Variants in MDGA2 observed in about 807,000 individuals in gnomAD.
MDGA2 encodes MAM domain containing glycosylphosphatidylinositol anchor 2.
MDGA2 carries 40 observed loss-of-function variants against 117.8 expected under a neutral mutation model. That is an observed-to-expected ratio of 0.34 (90% CI 0.26 to 0.44). The LOEUF (loss-of-function observed/expected upper bound fraction) is 0.44. MDGA2 is among the 20% of genes least tolerant of loss of function. The pLI, the probability that MDGA2 is intolerant of heterozygous loss-of-function variation, is 1.00. For synonymous variants in MDGA2, 452 were observed against 439.0 expected (o/e 1.03, Z -0.37); for missense variants, 1,123 against 1,250.6 (o/e 0.90, Z 1.54).
chr14:47,552,668 A>T (rs1446471845), intron 1 of MDGA2, among the ~76,000 whole-genome samples: 3 of 152,232 alleles, frequency 2.0e-5, no homozygotes, highest in African/African-American at 7.2e-5. Flanking sequence ...TTAAAAAAAA[A>T]ATGTAAGAGA....
In MDGA2 at chr14:46,916,765, C is replaced by A. The variant is rs141518251; in HGVS notation, c.2238+3247G>T. On this transcript the variant is annotated intron_variant, in intron 10 of 16. Coordinates refer to ENST00000399232, the MANE Select transcript of MDGA2 (RefSeq NM_001113498.3). ...GTCATTACTCTTTATTGAGACATCC[C>A]TGAAAGATACATCAAAGTTTTCTCT... Among the ~76,000 whole-genome samples the A allele has an allele frequency of 2.2e-3, 334 of 152,104 alleles. 1 individual carries two copies. The highest frequency in any genetic ancestry group is 7.6e-3 in the African/African-American group (317 of 41,510).
intron 8 of MDGA2, among the ~76,000 whole-genome samples, chr14:47,019,707 G>A (rs1453109332): frequency 6.6e-6 from 1 of 151,958 alleles, no homozygotes; most frequent in Non-Finnish European, 1.5e-5. Context: ...AGCCGGGCGT[G>A]GTGGCGGGCG....
chr14:47,157,650 T>C (rs934327818), intron 3 of MDGA2, among the ~76,000 whole-genome samples: 46 of 150,070 alleles, frequency 3.1e-4, no homozygotes, highest in African/African-American at 1.1e-3. Flanking sequence ...TCTGATATGG[T>C]TTGGTTGTGT....
intron 5 of MDGA2, among the ~76,000 whole-genome samples, chr14:47,099,567 A>G (rs956353862): frequency 6.6e-6 from 1 of 151,986 alleles, no homozygotes; most frequent in African/African-American, 2.4e-5. Context: ...TACCTTGTAT[A>G]TTAGCCAGGC....
intron 1 of MDGA2, among the ~76,000 whole-genome samples, chr14:47,389,589 A>AAC (rs1229644562): frequency 2.4e-4 from 32 of 130,616 alleles, no homozygotes; most frequent in East Asian, 5.4e-4. Flanking sequence ...TTTGCAGGAA[A>AAC]ACACACACAC....
At chr14:47,664,091 G>C (rs986802274) in intron 1 of MDGA2, among the ~76,000 whole-genome samples, 1 of 152,148 alleles carries the variant, frequency 6.6e-6, no homozygotes, top group Non-Finnish European at 1.5e-5. Context: ...CTGTTAAGGA[G>C]AAGAAGGAGA....
chr14:47,534,206 T>C (rs1231873468), intron 1 of MDGA2, among the ~76,000 whole-genome samples: 5 of 152,176 alleles, frequency 3.3e-5, no homozygotes, highest in African/African-American at 7.2e-5. Flanking sequence ...GGTTGATTTA[T>C]AGCCCAGTCT....
chr14:47,462,911 A>G (rs1005497638), intron 1 of MDGA2, among the ~76,000 whole-genome samples: 5 of 152,256 alleles, frequency 3.3e-5, no homozygotes, highest in African/African-American at 1.2e-4. Context: ...TAGAGTTTCA[A>G]AATTGAACTT....
At chr14:47,629,657 C>T (rs191853716) in intron 1 of MDGA2, among the ~76,000 whole-genome samples, 4 of 152,236 alleles carry the variant, frequency 2.6e-5, no homozygotes, top group South Asian at 2.1e-4. Context: ...ATTTTGCAGC[C>T]GACTAGCTAA....
chr14:47,435,664 G>A (rs566828085), intron 1 of MDGA2, among the ~76,000 whole-genome samples: 1 of 152,128 alleles, frequency 6.6e-6, no homozygotes, highest in Non-Finnish European at 1.5e-5. Context: ...TGCATTCATG[G>A]TAACAACTCA....
chr14:47,007,405 G>GC (rs1887749482), intron 8 of MDGA2, among the ~76,000 whole-genome samples: 1 of 151,662 alleles, frequency 6.6e-6, no homozygotes, highest in African/African-American at 2.4e-5. Flanking sequence ...TTTGCTGTAG[G>GC]GTTTCATGCA....
At chr14:47,489,818 G>T (rs1894132890) in intron 1 of MDGA2, among the ~76,000 whole-genome samples, 1 of 151,934 alleles carries the variant, frequency 6.6e-6, no homozygotes, top group South Asian at 2.1e-4. Flanking sequence ...TATATCTTCA[G>T]TTCACTTTTT....
At chr14:47,132,505 A>G (rs1444124818) in intron 4 of MDGA2, among the ~76,000 whole-genome samples, 1 of 151,934 alleles carries the variant, frequency 6.6e-6, no homozygotes, top group Non-Finnish European at 1.5e-5. Context: ...GCACAACTGT[A>G]GATAGATGCA....
intron 2 of MDGA2, among the ~76,000 whole-genome samples, chr14:47,247,305 TA>T (rs1030282274): frequency 1.2e-4 from 12 of 102,000 alleles, no homozygotes; most frequent in South Asian, 2.8e-4. Context: ...TATAGTTTCA[TA>T]TTTTTTTTTT....
At chr14:47,442,921 T>G (rs1893043277) in intron 1 of MDGA2, among the ~76,000 whole-genome samples, 1 of 152,124 alleles carries the variant, frequency 6.6e-6, no homozygotes, top group African/African-American at 2.4e-5. Context: ...GTACCCATGT[T>G]GTCTATGCTA....
intron 5 of MDGA2, among the ~76,000 whole-genome samples, chr14:47,111,957 G>A (rs1881060800): frequency 6.6e-6 from 1 of 152,126 alleles, no homozygotes; most frequent in Non-Finnish European, 1.5e-5. Context: ...AGTTCTCCAA[G>A]GAAGAGCCTG....
chr14:46,880,440 G>A (rs1356028219), intron 11 of MDGA2, among the ~76,000 whole-genome samples: 1 of 151,882 alleles, frequency 6.6e-6, no homozygotes, highest in Admixed American at 6.6e-5. Flanking sequence ...AGCTAACACT[G>A]AATATTAAAA....
intron 2 of MDGA2, among the ~76,000 whole-genome samples, chr14:47,289,977 C>G (rs1285931514): frequency 6.6e-6 from 1 of 152,136 alleles, no homozygotes; most frequent in Non-Finnish European, 1.5e-5. Flanking sequence ...TAGGACCAAA[C>G]AAATCCTTAC....
At chr14:47,581,016 G>C (rs1896219963) in intron 1 of MDGA2, among the ~76,000 whole-genome samples, 1 of 151,966 alleles carries the variant, frequency 6.6e-6, no homozygotes, top group Non-Finnish European at 1.5e-5. Flanking sequence ...TTAATCACGT[G>C]AAATCAGGAA....
Sources: gnomAD v4.1 joint callset for allele counts (sites outside exome capture counted in the v4.1 genomes callset) on GRCh38, gnomAD v4.1.1 for gene constraint, MANE v1.5 for transcripts, NCBI Gene and HGNC (gene_info 2026-07-23, HGNC 2026-07-21) for gene names.